H2AZ2: variants seen among roughly 807,000 people sequenced by gnomAD.
H2AZ2 encodes the protein H2A.Z variant histone 2.
A neutral mutation model predicts 15.5 loss-of-function variants in H2AZ2; 5 were observed. The observed-to-expected ratio is 0.32, with a 90% CI of 0.17 to 0.68. The LOEUF (loss-of-function observed/expected upper bound fraction) is 0.68, where lower values mean the gene tolerates loss of function less well. Ranked by LOEUF, H2AZ2 falls within the 30% of genes least tolerant of loss-of-function variation. H2AZ2 has a pLI of 0.72. For synonymous variants in H2AZ2, 44 were observed against 57.4 expected (o/e 0.77, Z 1.05); for missense variants, 42 against 162.5 (o/e 0.26, Z 4.03).
At chr7:44,838,161 G>C (rs1793176631) in intron 3 of H2AZ2, among the ~76,000 whole-genome samples, 1 of 151,568 alleles carries the variant, frequency 6.6e-6, no homozygotes, top group Non-Finnish European at 1.5e-5. Context: ...CTTTAGTAGA[G>C]ATAGGGTTTC....
intron 2 of H2AZ2, among the ~76,000 whole-genome samples, chr7:44,842,543 G>C (rs188271965): frequency 1.3e-5 from 2 of 152,024 alleles, no homozygotes; most frequent in African/African-American, 4.8e-5. Context: ...ACCTTATACT[G>C]CTTCACCTAT....
intron 3 of H2AZ2, among the ~76,000 whole-genome samples, chr7:44,838,163 T>C (rs945849204): frequency 3.3e-5 from 5 of 151,530 alleles, no homozygotes; most frequent in Admixed American, 1.3e-4. Context: ...TTAGTAGAGA[T>C]AGGGTTTCAC....
intron 1 of H2AZ2, 127 bp downstream of exon 1, chr7:44,847,842 G>A (rs1793452476): frequency 1.5e-6 from 2 of 1,308,176 alleles, no homozygotes; most frequent in East Asian, 2.9e-5. Context: ...CGGGCGGCGA[G>A]GGGCTCGGCC....
intron 3 of H2AZ2, among the ~76,000 whole-genome samples, chr7:44,839,937 A>C (rs1459916389): frequency 6.6e-6 from 1 of 151,106 alleles, no homozygotes; most frequent in African/African-American, 2.4e-5. Context: ...CAAGAAGTGG[A>C]GGTTGCAGTG....
chr7:44,844,220 A>C (rs911516528), intron 1 of H2AZ2, among the ~76,000 whole-genome samples: 10 of 152,242 alleles, frequency 6.6e-5, no homozygotes, highest in Non-Finnish European at 1.3e-4. Flanking sequence ...TGAGTGTCCA[A>C]TGATGGATGA....
At chr7:44,844,056 A>C (rs372020729) in intron 1 of H2AZ2, among the ~76,000 whole-genome samples, 1 of 123,494 alleles carries the variant, frequency 8.1e-6, no homozygotes, top group East Asian at 2.0e-4. Context: ...AAAAAAAAAA[A>C]ACCTCAAAAA....
intron 3 of H2AZ2, among the ~76,000 whole-genome samples, chr7:44,838,223 T>A (rs993566825): frequency 3.3e-5 from 5 of 152,214 alleles, no homozygotes; most frequent in Non-Finnish European, 7.4e-5. Flanking sequence ...TCTGCCCACC[T>A]CAGCCTCCCA....
At chr7:44,839,337 G>C (rs1793211954) in intron 3 of H2AZ2, among the ~76,000 whole-genome samples, 15 of 152,042 alleles carry the variant, frequency 9.9e-5, no homozygotes, top group Admixed American at 9.8e-4. Context: ...GAGGCTAGGA[G>C]TTAGAAACCA....
downstream of H2AZ2, among the ~76,000 whole-genome samples, chr7:44,830,721 G>A (rs1191133102): frequency 1.3e-5 from 2 of 152,232 alleles, no homozygotes; most frequent in African/African-American, 4.8e-5. Context: ...TTCTACGCCA[G>A]GCACAGTGGC....
At chr7:44,835,729 T>C in intron 3 of H2AZ2, 71 bp from the exon 4 acceptor site, 1 of 1,388,174 alleles carries the variant, frequency 7.2e-7, no homozygotes, top group South Asian at 1.5e-5. Context: ...ACTTAGCATT[T>C]GTACATACAA....
intron 3 of H2AZ2, 36 bp downstream of exon 3, chr7:44,840,863 T>C: frequency 7.1e-7 from 1 of 1,409,896 alleles, no homozygotes; most frequent in Non-Finnish European, 1.0e-6. Context: ...GTGCACCTTC[T>C]GGATGGCCAT....
intron 3 of H2AZ2, among the ~76,000 whole-genome samples, chr7:44,839,025 C>T (rs188860768): frequency 2.8e-4 from 43 of 152,236 alleles, no homozygotes; most frequent in Admixed American, 5.2e-4. Flanking sequence ...TGGTCTGTGA[C>T]CCAAGAACTC....
intron 1 of H2AZ2, 24 bp downstream of exon 1, chr7:44,847,945 C>T (rs1793456753): frequency 6.7e-7 from 1 of 1,502,116 alleles, no homozygotes; most frequent in Non-Finnish European, 8.8e-7. Context: ...GCCCCGTGCC[C>T]CCGGCCCACC....
chr7:44,837,445 A>AG (rs1448986579), intron 3 of H2AZ2, among the ~76,000 whole-genome samples: 2 of 149,086 alleles, frequency 1.3e-5, no homozygotes, highest in African/African-American at 4.9e-5. Flanking sequence ...AAAAAAAAAA[A>AG]AAAAAAAAAG....
chr7:44,836,025 T>C (rs1793113430), intron 3 of H2AZ2, among the ~76,000 whole-genome samples: 1 of 151,196 alleles, frequency 6.6e-6, no homozygotes. Context: ...AGTGGTGTGA[T>C]CTTGGCTCAC....
intron 1 of H2AZ2, among the ~76,000 whole-genome samples, chr7:44,847,072 C>T (rs1318838431): frequency 6.6e-6 from 1 of 152,192 alleles, no homozygotes; most frequent in Admixed American, 6.5e-5. Flanking sequence ...CAGCTTGGTG[C>T]TAACTTTTAA....
chr7:44,830,880 G>A (rs1188040212), downstream of H2AZ2, among the ~76,000 whole-genome samples: 1 of 152,182 alleles, frequency 6.6e-6, no homozygotes, highest in Admixed American at 6.6e-5. Context: ...GATTAGCTGG[G>A]CATGGTGGCG....
At chr7:44,847,811 C>G (rs1793451178) in intron 1 of H2AZ2, among the ~76,000 whole-genome samples, 158 bp downstream of exon 1, 1 of 152,036 alleles carries the variant, frequency 6.6e-6, no homozygotes, top group South Asian at 2.1e-4. Context: ...GGCTCCGCAG[C>G]TGGGACATGG....
At position 44,834,143 on chromosome 7, in the gene H2AZ2, T is replaced by C; in HGVS notation, c.*358A>G. 2 of 975,434 alleles carry C rather than the reference T, an allele frequency of 2.1e-6. No homozygotes were observed. Among genetic ancestry groups the C allele is most frequent in the Non-Finnish European group, 2.5e-6 (2 of 810,198 alleles). 60.4% of individuals were successfully genotyped at this position (975,434 alleles called of 1,614,324 possible). On this transcript the variant is annotated 3_prime_UTR_variant, in exon 5 of 5. Transcript: ENST00000308153. ...CCCAATTTCTGTTCTAAGGTTACTC[T>C]GAATAACCAATCTGAGATTTAAAAT...
Sources: allele counts gnomAD v4.1 joint callset (sites outside exome capture counted in the v4.1 genomes callset), GRCh38; gene constraint gnomAD v4.1.1; transcripts MANE v1.5; gene names NCBI Gene and HGNC (gene_info 2026-07-23, HGNC 2026-07-21).